NBEA: variants seen among roughly 807,000 people sequenced by gnomAD.
NBEA encodes the protein neurobeachin.
A neutral mutation model predicts 343.4 loss-of-function variants in NBEA; 44 were observed. The observed-to-expected ratio is 0.13, with a 90% confidence interval of 0.10 to 0.16. The LOEUF (loss-of-function observed/expected upper bound fraction) is 0.16. Ranked by LOEUF, NBEA falls within the 10% of genes least tolerant of loss-of-function variation. The pLI, the probability that NBEA is intolerant of heterozygous loss-of-function variation, is 1.00. For missense variants in NBEA, 2,555 were observed against 3,631.3 expected, an observed-to-expected ratio of 0.70 and a Z score of 7.62; for synonymous variants, 1,175 against 1,238.7, an observed-to-expected ratio of 0.95 and a Z score of 1.08.
chr13:35,362,475 G>A (rs2040863311), intron 38 of NBEA, among the ~76,000 whole-genome samples: 1 of 151,320 alleles, frequency 6.6e-6, no homozygotes, highest in African/African-American at 2.4e-5. Context: ...AAAATGTCCA[G>A]GTTTTACCTA....
intron 8 of NBEA, among the ~76,000 whole-genome samples, chr13:35,060,626 C>T (rs558032560): frequency 2.4e-4 from 37 of 151,822 alleles, no homozygotes; most frequent in East Asian, 7.7e-4. Context: ...GATAAATCCA[C>T]GGGTAAATGC....
rs187356894 is a variant in NBEA, at chr13:35,083,679, G to A, written c.1571+12827G>A. 2.6e-3 allele frequency among the ~76,000 whole-genome samples: 398 copies of A among 152,168 alleles called. 2 individuals carry two copies. Among genetic ancestry groups the A allele is most frequent in the Middle Eastern group, 0.014 (4 of 294 alleles). ...ATGCCAAATTGTAAAGACCACCAAG[G>A]CTAGGAAGAAACTGCATCAACTAAT... On this transcript the variant is annotated intron_variant, in intron 10 of 58. Transcript: ENST00000379939.
At chr13:35,001,975 C>T (rs1331689642) in intron 1 of NBEA, among the ~76,000 whole-genome samples, 1 of 152,072 alleles carries the variant, frequency 6.6e-6, no homozygotes, top group African/African-American at 2.4e-5. Flanking sequence ...AGTATATCCC[C>T]GTATCACTGA....
chr13:35,265,306 A>G (rs2033579332), intron 34 of NBEA, among the ~76,000 whole-genome samples: 2 of 152,062 alleles, frequency 1.3e-5, no homozygotes, highest in East Asian at 1.9e-4. Flanking sequence ...AAAGTGATCT[A>G]TAAATTCAAT....
At chr13:35,636,262 T>G (rs951105903) in intron 49 of NBEA, among the ~76,000 whole-genome samples, 2 of 152,188 alleles carry the variant, frequency 1.3e-5, no homozygotes, top group Admixed American at 1.3e-4. Context: ...TATTTAGAAC[T>G]CATTTTTAAA....
chr13:35,130,250 G>T (rs978957961), intron 17 of NBEA, among the ~76,000 whole-genome samples: 1 of 151,978 alleles, frequency 6.6e-6, no homozygotes, highest in Non-Finnish European at 1.5e-5. Flanking sequence ...TAAAAGAGAA[G>T]GGTAAAGTGG....
At chr13:35,476,336 CTGCTGCTGCTGCT>C in intron 41 of NBEA, 3 of 1,220,946 alleles carry the variant, frequency 2.5e-6, no homozygotes, top group South Asian at 1.3e-5. Flanking sequence ...GCTGCTGCTG[CTGCTGCTGCTGCT>C]GCTGCTTTTC....
At chr13:35,080,672 A>T (rs2064346668) in intron 10 of NBEA, among the ~76,000 whole-genome samples, 1 of 152,172 alleles carries the variant, frequency 6.6e-6, no homozygotes, top group African/African-American at 2.4e-5. Context: ...ACTAGGTAGC[A>T]CATCTTTAAT....
intron 36 of NBEA, among the ~76,000 whole-genome samples, chr13:35,342,790 G>C (rs1024147617): frequency 6.6e-6 from 1 of 151,866 alleles, no homozygotes; most frequent in Non-Finnish European, 1.5e-5. Flanking sequence ...AATCAGTAGG[G>C]AGTAAAAAAG....
intron 52 of NBEA, among the ~76,000 whole-genome samples, chr13:35,650,918 A>G (rs1307888514): frequency 1.3e-5 from 2 of 152,146 alleles, no homozygotes; most frequent in African/African-American, 4.8e-5. Context: ...TAAAAAATAC[A>G]GTGATTTATA....
At chr13:34,991,360 G>A (rs1268651422) in intron 1 of NBEA, among the ~76,000 whole-genome samples, 3 of 152,188 alleles carry the variant, frequency 2.0e-5, no homozygotes, top group African/African-American at 4.8e-5. Context: ...TGTACAGGAA[G>A]CATGGCTGGA....
At chr13:35,290,570 C>A in intron 35 of NBEA, 120 bp downstream of exon 35, 1 of 612,986 alleles carries the variant, frequency 1.6e-6, no homozygotes, top group Non-Finnish European at 2.8e-6. Flanking sequence ...ATCTATTATC[C>A]CATAGATGGA....
At chr13:35,426,128 G>A (rs1018590827) in intron 38 of NBEA, among the ~76,000 whole-genome samples, 3 of 152,098 alleles carry the variant, frequency 2.0e-5, no homozygotes, top group Non-Finnish European at 4.4e-5. Context: ...CTTTTAATTG[G>A]AGCATTTAGC....
chr13:34,995,568 C>A (rs2060911450), intron 1 of NBEA, among the ~76,000 whole-genome samples: 1 of 152,176 alleles, frequency 6.6e-6, no homozygotes, highest in Non-Finnish European at 1.5e-5. Context: ...CAAGAACTAT[C>A]TGCTACCTGT....
chr13:35,462,959 G>C (rs2046987204), intron 40 of NBEA, among the ~76,000 whole-genome samples: 1 of 152,278 alleles, frequency 6.6e-6, no homozygotes, highest in Admixed American at 6.5e-5. Context: ...TGCGTGATCT[G>C]TTGGGCCTCC....
intron 19 of NBEA, 72 bp downstream of exon 19, chr13:35,155,927 T>A: frequency 6.6e-7 from 1 of 1,516,698 alleles, no homozygotes; most frequent in Non-Finnish European, 9.1e-7. Context: ...TCAAAACTTT[T>A]CCTAACCCCT....
intron 34 of NBEA, among the ~76,000 whole-genome samples, chr13:35,242,476 G>A (rs1394254157): frequency 6.6e-6 from 1 of 151,694 alleles, no homozygotes; most frequent in Non-Finnish European, 1.5e-5. Flanking sequence ...AAGAGAAAAG[G>A]GCAGAGAGCG....
At chr13:35,286,511 A>T (rs1445745349) in intron 34 of NBEA, among the ~76,000 whole-genome samples, 2 of 152,148 alleles carry the variant, frequency 1.3e-5, no homozygotes, top group African/African-American at 4.8e-5. Context: ...CATGAGGAAC[A>T]TTCTGCTAGA....
chr13:35,032,403 T>C (rs2062262878), intron 1 of NBEA, among the ~76,000 whole-genome samples: 1 of 151,802 alleles, frequency 6.6e-6, no homozygotes, highest in Non-Finnish European at 1.5e-5. Flanking sequence ...ATGATCAGTT[T>C]TATTGAGCTT....
Sources: allele counts gnomAD v4.1 joint callset (sites outside exome capture counted in the v4.1 genomes callset), GRCh38; gene constraint gnomAD v4.1.1; transcripts MANE v1.5; gene names NCBI Gene and HGNC (gene_info 2026-07-23, HGNC 2026-07-21).